CNTN1: variants seen among roughly 807,000 people sequenced by gnomAD.
CNTN1 encodes contactin 1.
CNTN1 carries 38 observed loss-of-function variants against 126.4 expected under a neutral mutation model. That is an observed-to-expected ratio of 0.30 (90% CI 0.23 to 0.39). CNTN1 has a LOEUF of 0.39. CNTN1 is among the 10% of genes least tolerant of loss of function. The probability of loss-of-function intolerance (pLI) is 1.00; values close to 1 mark genes in which losing one functional copy is unlikely to be tolerated. For missense variants in CNTN1, 1,009 were observed against 1,248.4 expected (o/e 0.81, Z 2.89); for synonymous variants, 413 against 422.6 (o/e 0.98, Z 0.28).
intron 1 of CNTN1, among the ~76,000 whole-genome samples, chr12:40,787,744 A>G (rs1940079263): frequency 6.6e-6 from 1 of 152,168 alleles, no homozygotes; most frequent in Non-Finnish European, 1.5e-5. Context: ...TCCCAGAATT[A>G]CACAATGACA....
At chr12:41,044,184 T>A (rs1243747870) in intron 23 of CNTN1, among the ~76,000 whole-genome samples, 1 of 151,620 alleles carries the variant, frequency 6.6e-6, no homozygotes, top group Non-Finnish European at 1.5e-5. Flanking sequence ...AAATAAAAAA[T>A]TCAGAGAAAG....
At chr12:40,949,059 T>G (rs1483494417) in intron 14 of CNTN1, among the ~76,000 whole-genome samples, 1 of 151,836 alleles carries the variant, frequency 6.6e-6, no homozygotes, top group East Asian at 2.0e-4. Flanking sequence ...AAGAAAAATT[T>G]TATTAAACAT....
intron 1 of CNTN1, among the ~76,000 whole-genome samples, chr12:40,806,043 C>T (rs1940841880): frequency 1.3e-5 from 2 of 152,122 alleles, no homozygotes; most frequent in African/African-American, 2.4e-5. Flanking sequence ...TGATATCTCT[C>T]TCCATGTTCT....
intron 1 of CNTN1, among the ~76,000 whole-genome samples, chr12:40,703,801 G>GGGGA (rs113864065): frequency 6.6e-6 from 1 of 151,620 alleles, no homozygotes; most frequent in Non-Finnish European, 1.5e-5. Flanking sequence ...GTGAGAGGAG[G>GGGGA]GAGAGAGAGA....
chr12:40,716,890 T>C (rs1016376174), intron 1 of CNTN1, among the ~76,000 whole-genome samples: 96 of 152,206 alleles, frequency 6.3e-4, no homozygotes, highest in African/African-American at 2.3e-3. Context: ...CTCCCATGTA[T>C]ATTAACAACA....
chr12:40,869,192 T>G (rs1238514946), intron 1 of CNTN1, among the ~76,000 whole-genome samples: 1 of 151,474 alleles, frequency 6.6e-6, no homozygotes, highest in East Asian at 1.9e-4. Flanking sequence ...TCTTTAAGGT[T>G]TGATCTAAGG....
intron 1 of CNTN1, among the ~76,000 whole-genome samples, chr12:40,750,190 G>A (rs575251665): frequency 2.8e-4 from 42 of 152,074 alleles, no homozygotes; most frequent in Non-Finnish European, 5.0e-4. Flanking sequence ...GTGGGATCTA[G>A]GAAGGCTGAT....
chr12:40,726,041 G>A (rs1275825310), intron 1 of CNTN1, among the ~76,000 whole-genome samples: 1 of 151,988 alleles, frequency 6.6e-6, no homozygotes, highest in Non-Finnish European at 1.5e-5. Flanking sequence ...TCAATACACA[G>A]GTATGGTAAA....
At chr12:40,737,359 G>GTATATATATATATATATA (rs57273919) in intron 1 of CNTN1, among the ~76,000 whole-genome samples, 19 of 113,262 alleles carry the variant, frequency 1.7e-4, no homozygotes, top group South Asian at 3.2e-4. Flanking sequence ...ATGTGTGTGT[G>GTATATATATATATATATA]TATATATATA....
chr12:40,800,654 T>G (rs928242971), intron 1 of CNTN1, among the ~76,000 whole-genome samples: 3 of 151,918 alleles, frequency 2.0e-5, no homozygotes, highest in Non-Finnish European at 4.4e-5. Flanking sequence ...AACAAAAAGT[T>G]AGAAAGGTTA....
chr12:41,055,595 C>G (rs1010527981), intron 23 of CNTN1, among the ~76,000 whole-genome samples: 1 of 152,094 alleles, frequency 6.6e-6, no homozygotes, highest in Admixed American at 6.6e-5. Context: ...GCACCCAGTA[C>G]TGACCACAGA....
intron 19 of CNTN1, among the ~76,000 whole-genome samples, chr12:41,019,152 A>G (rs1948851006): frequency 6.6e-6 from 1 of 152,206 alleles, no homozygotes; most frequent in South Asian, 2.1e-4. Context: ...GCGAAACTCC[A>G]TCTCAAAAAC....
chr12:40,879,784 A>G (rs1943810411), intron 1 of CNTN1, among the ~76,000 whole-genome samples: 1 of 152,114 alleles, frequency 6.6e-6, no homozygotes, highest in African/African-American at 2.4e-5. Context: ...CTTTGTTACA[A>G]TCAATCCTAC....
intron 23 of CNTN1, among the ~76,000 whole-genome samples, chr12:41,068,527 C>G (rs1011026325): frequency 6.6e-6 from 1 of 151,908 alleles, no homozygotes; most frequent in Non-Finnish European, 1.5e-5. Flanking sequence ...TCCAAAAGCC[C>G]CAGGCAGGGC....
Position 40,801,935 on chromosome 12 carries a change from A to T in CNTN1, c.-76-106422A>T, listed in dbSNP as rs1052847204. ...CAAGAGATAGATTATGAGGGCTCGA[A>T]CTTGGTTATTGACAATGAAGATCAA... On this transcript the variant is annotated intron_variant, in intron 1 of 23. Coordinates refer to ENST00000551295, the MANE Select transcript of CNTN1 (RefSeq NM_001843.4). 3.9e-5 allele frequency among the ~76,000 whole-genome samples: 6 copies of T among 151,910 alleles called. No individual in the cohort carries two copies. The Admixed American group carries it at 4.0e-4, about 10-fold the overall frequency.
intron 1 of CNTN1, among the ~76,000 whole-genome samples, chr12:40,816,274 TG>T (rs1941252575): frequency 6.6e-6 from 1 of 152,226 alleles, no homozygotes; most frequent in Non-Finnish European, 1.5e-5. Flanking sequence ...TGAATCCATC[TG>T]GTCCTGGGCT....
At chr12:41,021,079 A>T (rs563513668) in intron 20 of CNTN1, among the ~76,000 whole-genome samples, 2 of 152,336 alleles carry the variant, frequency 1.3e-5, no homozygotes, top group African/African-American at 4.8e-5. Context: ...AGACTGAGTT[A>T]TGTAGGAAAT....
chr12:40,920,589 T>A (rs1344282026), intron 4 of CNTN1, among the ~76,000 whole-genome samples: 1 of 152,206 alleles, frequency 6.6e-6, no homozygotes, highest in Non-Finnish European at 1.5e-5. Flanking sequence ...TTTTAAAATG[T>A]ACATAATTTC....
intron 1 of CNTN1, among the ~76,000 whole-genome samples, chr12:40,794,632 C>G (rs1031583133): frequency 1.3e-5 from 2 of 151,922 alleles, no homozygotes; most frequent in African/African-American, 4.8e-5. Context: ...GGAACTGACA[C>G]CTTGTTAATG....
Sources: allele counts gnomAD v4.1 joint callset (sites outside exome capture counted in the v4.1 genomes callset), GRCh38; gene constraint gnomAD v4.1.1; transcripts MANE v1.5; gene names NCBI Gene and HGNC (gene_info 2026-07-23, HGNC 2026-07-21).